BCOR: variants seen among roughly 807,000 people sequenced by gnomAD.
The protein encoded by BCOR is BCL-6 corepressor.
BCOR carries 10 observed loss-of-function variants against 86.7 expected under a neutral mutation model. That is an observed-to-expected ratio of 0.12 (90% confidence interval 0.07 to 0.20). BCOR has a LOEUF of 0.20. Among genes scored for constraint, BCOR ranks in the 10% least tolerant of loss-of-function variants. The pLI is 1.00. For synonymous variants in BCOR, 611 were observed against 609.0 expected, an observed-to-expected ratio of 1.00 and a Z score of -0.05; for missense variants, 1,259 against 1,452.1, an observed-to-expected ratio of 0.87 and a Z score of 2.16.
chrX:40,076,627 A>G (rs1935820071), intron 2 of BCOR, 95 bp from the exon 3 acceptor site: 4 of 679,533 alleles, frequency 5.9e-6, no homozygotes, highest in Non-Finnish European at 2.3e-6. Flanking sequence ...TACTAACCCA[A>G]TTTTTAAAAC....
chrX:40,097,835 A>C lies in BCOR; in HGVS notation c.-661T>G. Among the ~76,000 whole-genome samples the C allele has an allele frequency of 2.1e-5, 2 of 96,997 alleles. No homozygotes were observed. Among genetic ancestry groups the C allele is most frequent in the African/African-American group, 4.0e-5 (1 of 25,294 alleles). The allele number at this position is 96,997 out of a possible 115,157, so 84.2% of individuals were successfully genotyped here. ...CCCCCTCCGCCGCCGCCGCCCGCCT[A>C]GCTCCCGCTCTCGGTCGCGGTCTGG... On this transcript the variant is annotated 5_prime_UTR_variant, in exon 1 of 15. Coordinates refer to ENST00000378444, the MANE Select transcript of BCOR (RefSeq NM_001123385.2).
intron 14 of BCOR, 58 bp from the exon 15 acceptor site, chrX:40,052,458 CTATTAA>C (rs951133419): frequency 3.2e-5 from 36 of 1,112,461 alleles, no homozygotes; most frequent in Non-Finnish European, 4.2e-5. Context: ...GTGCGCCCAA[CTATTAA>C]TATTAACTAC....
intron 1 of BCOR, among the ~76,000 whole-genome samples, chrX:40,096,847 C>G (rs376335049): frequency 3.3e-4 from 36 of 110,329 alleles, no homozygotes; most frequent in South Asian, 1.6e-3. Context: ...ACCTCCCCCC[C>G]CTCCGCCCGA....
intron 1 of BCOR, among the ~76,000 whole-genome samples, chrX:40,131,712 A>T (rs188343285): frequency 1.5e-4 from 17 of 111,652 alleles, no homozygotes; most frequent in African/African-American, 4.9e-4. Flanking sequence ...CCCAGTAGAC[A>T]TGAACAACTG....
At chrX:40,162,244 G>T (rs769894545) in intron 1 of BCOR, among the ~76,000 whole-genome samples, 1 of 112,025 alleles carries the variant, frequency 8.9e-6, no homozygotes, top group African/African-American at 3.2e-5. Flanking sequence ...TGAGAACAGA[G>T]CTGCCAGTAG....
chrX:40,167,857 C>T, intron 1 of BCOR, among the ~76,000 whole-genome samples: 1 of 113,105 alleles, frequency 8.8e-6, no homozygotes, highest in Non-Finnish European at 1.9e-5. Flanking sequence ...TCGATGGGCT[C>T]GCCTGTTTCC....
chrX:40,145,424 G>GAA (rs1350918468), intron 1 of BCOR, among the ~76,000 whole-genome samples: 1 of 111,149 alleles, frequency 9.0e-6, no homozygotes, highest in Non-Finnish European at 1.9e-5. Context: ...GCCAAGCCGA[G>GAA]AAGGCTGAAT....
At chrX:40,091,246 C>A (rs1455398758) in intron 1 of BCOR, among the ~76,000 whole-genome samples, 1 of 112,537 alleles carries the variant, frequency 8.9e-6, no homozygotes, top group Non-Finnish European at 1.9e-5. Context: ...CATCTAAAAG[C>A]TCGCCCAGCC....
rs1470924722 is a variant in BCOR at position 40,073,445 on chromosome X, G to T, written c.1901C>A (p.Pro634Gln). The T allele has an allele frequency of 3.3e-6, 4 of 1,211,306 alleles. No individual in the cohort carries two copies. Among genetic ancestry groups the T allele is most frequent in the Non-Finnish European group, 4.5e-6 (4 of 895,535 alleles). Residue 634 changes from proline (P) to glutamine (Q), a missense_variant, in exon 4 of 15, where the codon CCA becomes CAA. By Grantham distance (76) the Pro-to-Gln change is moderately conservative. Transcript: ENST00000378444. ...TGGAGACAGAAATATAGAGCTTGGT[G>T]GAAGGCCGTTCTCGTTTGCTTTGAA... ...PSFKANENGL[P>Q]PSSIFLSPNE...
intron 1 of BCOR, among the ~76,000 whole-genome samples, chrX:40,146,905 G>T (rs1434768292): frequency 8.9e-6 from 1 of 112,073 alleles, no homozygotes; most frequent in Non-Finnish European, 1.9e-5. Context: ...CTTTCTTCGC[G>T]CCCCTAGCCC....
At chrX:40,105,635 C>G (rs1376289445) in intron 1 of BCOR, among the ~76,000 whole-genome samples, 1 of 113,011 alleles carries the variant, frequency 8.8e-6, no homozygotes, top group African/African-American at 3.2e-5. Flanking sequence ...GGCAGGAACA[C>G]CTGCTCCCAG....
At chrX:40,171,052 C>T (rs1263740183) in intron 1 of BCOR, among the ~76,000 whole-genome samples, 1 of 111,995 alleles carries the variant, frequency 8.9e-6, no homozygotes, top group African/African-American at 3.3e-5. Context: ...TGGCCACTCG[C>T]CCCCACAAAT....
intron 10 of BCOR, among the ~76,000 whole-genome samples, chrX:40,061,615 C>G (rs1934874141): frequency 9.3e-6 from 1 of 108,028 alleles, no homozygotes; most frequent in Admixed American, 9.8e-5. Flanking sequence ...CCAGAGCCCT[C>G]AGCCCTAAGG....
At chrX:40,176,369 C>T (rs1046515189) in intron 1 of BCOR, among the ~76,000 whole-genome samples, 13 of 112,996 alleles carry the variant, frequency 1.2e-4, no homozygotes, top group African/African-American at 4.2e-4. Flanking sequence ...CACGGATCCC[C>T]TCCCGGAGTA....
At chrX:40,098,766 T>C (rs545922154), upstream of BCOR, among the ~76,000 whole-genome samples, 3 of 111,306 alleles carry the variant, frequency 2.7e-5, no homozygotes, top group Non-Finnish European at 5.7e-5. Context: ...AAAAGCTACC[T>C]GAAAACACCA....
At chrX:40,076,900 G>A (rs1935832691) in intron 2 of BCOR, 3 of 329,082 alleles carry the variant, frequency 9.1e-6, no homozygotes, top group Non-Finnish European at 1.8e-5. Flanking sequence ...CTCTCCTGGA[G>A]GGTAGACATG....
chrX:40,075,329 G>T, intron 3 of BCOR, 149 bp from the exon 4 acceptor site: 9 of 440,857 alleles, frequency 2.0e-5, no homozygotes, highest in South Asian at 6.4e-5. Flanking sequence ...GGGGGTGGGG[G>T]GTCTGTTTCC....
At chrX:40,103,146 C>T (rs1360544863) in intron 1 of BCOR, among the ~76,000 whole-genome samples, 1 of 110,861 alleles carries the variant, frequency 9.0e-6, no homozygotes, top group Non-Finnish European at 1.9e-5. Context: ...CTGACAGAAC[C>T]TTCTGTGTGC....
At chrX:40,167,022 C>T (rs192519900) in intron 1 of BCOR, among the ~76,000 whole-genome samples, 1 of 111,703 alleles carries the variant, frequency 9.0e-6, no homozygotes, top group African/African-American at 3.3e-5. Flanking sequence ...CTGCTGACCA[C>T]CCCTGACTCA....
Sources: gnomAD v4.1 joint callset for allele counts (sites outside exome capture counted in the v4.1 genomes callset) on GRCh38, gnomAD v4.1.1 for gene constraint, MANE v1.5 for transcripts, NCBI Gene and HGNC (gene_info 2026-07-23, HGNC 2026-07-21) for gene names.